Variants in FRYL observed in about 807,000 individuals in gnomAD.
FRYL encodes the protein protein furry homolog-like.
FRYL carries 150 observed loss-of-function variants against 351.2 expected under a neutral mutation model. The observed-to-expected ratio is 0.43, with a 90% confidence interval of 0.37 to 0.49. The LOEUF (loss-of-function observed/expected upper bound fraction) is 0.49. FRYL is among the 20% of genes least tolerant of loss of function. The pLI, the probability that FRYL is intolerant of heterozygous loss-of-function variation, is 0.00. For synonymous variants in FRYL, 1,153 were observed against 1,257.1 expected (o/e 0.92, Z 1.75); for missense variants, 3,036 against 3,619.3 (o/e 0.84, Z 4.13).
intron 33 of FRYL, among the ~76,000 whole-genome samples, chr4:48,558,983 C>T (rs1320905014): frequency 1.3e-5 from 2 of 152,166 alleles, no homozygotes; most frequent in Admixed American, 1.3e-4. Context: ...GAACTTGGCT[C>T]TGGAATTGCA....
Position 48,521,061 on chromosome 4 carries a change from C to A in FRYL, c.7676G>T (p.Ser2559Ile), listed in dbSNP as rs1353842040. The change falls in exon 55 of 64, where the codon AGC (serine) becomes ATC (isoleucine). Residue 2559 changes from serine (S) to isoleucine (I), a missense_variant. Ser to Ile is a moderately radical substitution (Grantham distance 142). This residue lies in a region of FRYL where 1,987 missense variants were observed against 2,311.7 expected (regional missense o/e 0.86). Coordinates refer to ENST00000358350, the MANE Select transcript of FRYL (RefSeq NM_015030.2). Reference sequence around the variant, plus strand: ...ATTTCTCCCCACCTCAGGCAGCCGGCTGTTAGCATTATCTAGAGAAGCCTC... The same window carrying A: ...ATTTCTCCCCACCTCAGGCAGCCGGATGTTAGCATTATCTAGAGAAGCCTC... ...TLEASLDNAN[S>I]RLPEDTTSVL... is the part of the protein sequence containing the mutation. The A allele has an allele frequency of 6.2e-7, 1 of 1,610,776 alleles. No individual in the cohort carries two copies. Among genetic ancestry groups the A allele is most frequent in the Non-Finnish European group, 8.5e-7 (1 of 1,178,334 alleles).
intron 56 of FRYL, among the ~76,000 whole-genome samples, chr4:48,514,642 T>G (rs1001986589): frequency 6.6e-6 from 1 of 152,228 alleles, no homozygotes; most frequent in African/African-American, 2.4e-5. Flanking sequence ...TAAAAACAAT[T>G]TTTTGGAATA....
At chr4:48,579,866 T>C (rs1740486471) in intron 22 of FRYL, among the ~76,000 whole-genome samples, 1 of 152,132 alleles carries the variant, frequency 6.6e-6, no homozygotes, top group Non-Finnish European at 1.5e-5. Context: ...AGAGAGGCTT[T>C]TAAAGGTTCT....
chr4:48,572,818 T>C (rs558630372), intron 26 of FRYL, among the ~76,000 whole-genome samples: 1 of 152,340 alleles, frequency 6.6e-6, no homozygotes, highest in East Asian at 1.9e-4. Flanking sequence ...TTTTTACTGT[T>C]TTACTGGCAA....
chr4:48,694,687 C>T (rs535100068), intron 2 of FRYL, among the ~76,000 whole-genome samples: 1 of 152,268 alleles, frequency 6.6e-6, no homozygotes, highest in South Asian at 2.1e-4. Context: ...TAGTCTCTAA[C>T]GTAATTACAG....
intron 2 of FRYL, among the ~76,000 whole-genome samples, chr4:48,692,485 C>T (rs1331308754): frequency 3.9e-5 from 6 of 151,970 alleles, no homozygotes; most frequent in Non-Finnish European, 8.8e-5. Flanking sequence ...CTCCACCTCC[C>T]AAGTTCAAGT....
At chr4:48,743,681 A>AT (rs1772363288) in intron 1 of FRYL, among the ~76,000 whole-genome samples, 1 of 152,168 alleles carries the variant, frequency 6.6e-6, no homozygotes, top group Non-Finnish European at 1.5e-5. Flanking sequence ...CTGTCCAGAT[A>AT]TTTTTTATAT....
In FRYL at chr4:48,540,410, G is replaced by A; in HGVS notation, c.6238C>T (p.Leu2080Phe). 1 of 1,613,854 alleles carries A rather than the reference G, an allele frequency of 6.2e-7. No homozygotes were observed. The highest frequency in any genetic ancestry group is 1.1e-5 in the South Asian group (1 of 91,070). ...ASTQEMTVHLLSKLISVSKHT... is the reference protein window; with the variant it reads ...ASTQEMTVHLFSKLISVSKHT... ...TTGGAGACAGAAATGAGTTTACTGAGGAGGTGCACGGTCATTTCTTGTGTA... is the reference window on the plus strand; with the variant it reads ...TTGGAGACAGAAATGAGTTTACTGAAGAGGTGCACGGTCATTTCTTGTGTA... Residue 2080 changes from leucine (L) to phenylalanine (F), a missense_variant, in exon 46 of 64, where the codon CTC becomes TTC. Leu to Phe is a conservative substitution (Grantham distance 22). Transcript: ENST00000358350.
Position 48,540,408 on chromosome 4 carries a change from G to C in FRYL, c.6240C>G (p.Leu2080=). ...GTTTGGAGACAGAAATGAGTTTACTGAGGAGGTGCACGGTCATTTCTTGTG... is the reference window on the plus strand; with the variant it reads ...GTTTGGAGACAGAAATGAGTTTACTCAGGAGGTGCACGGTCATTTCTTGTG... ...ASTQEMTVHL[L]SKLISVSKHT... Residue 2080 remains leucine, a synonymous_variant, in exon 46 of 64, where the codon CTC becomes CTG. Coordinates refer to ENST00000358350, the MANE Select transcript of FRYL (RefSeq NM_015030.2). 6.2e-7 allele frequency: 1 copy of C among 1,613,798 alleles called. No homozygotes were observed. The highest frequency in any genetic ancestry group is 8.5e-7 in the Non-Finnish European group (1 of 1,179,730).
intron 37 of FRYL, 63 bp downstream of exon 37, chr4:48,551,431 T>C: frequency 2.3e-6 from 2 of 863,376 alleles, no homozygotes; most frequent in Non-Finnish European, 3.6e-6. Flanking sequence ...AAATATCATT[T>C]ATTCTGATGA....
At chr4:48,548,615 C>T in intron 40 of FRYL, 75 bp downstream of exon 40, 1 of 814,260 alleles carries the variant, frequency 1.2e-6, no homozygotes, top group Non-Finnish European at 2.0e-6. Flanking sequence ...CACATAAAAA[C>T]TGTCATAAAA....
chr4:48,676,129 G>A (rs1470882731), intron 3 of FRYL, among the ~76,000 whole-genome samples: 1 of 152,158 alleles, frequency 6.6e-6, no homozygotes, highest in Non-Finnish European at 1.5e-5. Context: ...CAGGATGTGG[G>A]TGGGGCCAGA....
intron 12 of FRYL, among the ~76,000 whole-genome samples, chr4:48,602,407 G>T (rs1461758019): frequency 6.6e-6 from 1 of 152,094 alleles, no homozygotes; most frequent in East Asian, 1.9e-4. Flanking sequence ...GTTATGACTA[G>T]TCCCTGGGAT....
intron 7 of FRYL, among the ~76,000 whole-genome samples, chr4:48,615,278 C>T (rs1392508996): frequency 6.6e-6 from 1 of 152,156 alleles, no homozygotes; most frequent in African/African-American, 2.4e-5. Context: ...AAGTCACCTC[C>T]CATGTGGACC....
At chr4:48,743,420 G>A (rs1180683403) in intron 1 of FRYL, among the ~76,000 whole-genome samples, 1 of 151,904 alleles carries the variant, frequency 6.6e-6, no homozygotes, top group Non-Finnish European at 1.5e-5. Flanking sequence ...ATTCAAGAAA[G>A]GAAACCTGAT....
intron 2 of FRYL, among the ~76,000 whole-genome samples, chr4:48,700,181 G>A (rs1560877341): frequency 6.6e-6 from 1 of 151,956 alleles, no homozygotes; most frequent in South Asian, 2.1e-4. Context: ...GTTCTAATAC[G>A]GTACAAATGC....
intron 3 of FRYL, among the ~76,000 whole-genome samples, chr4:48,651,916 C>G (rs1757779290): frequency 6.6e-6 from 1 of 152,232 alleles, no homozygotes; most frequent in African/African-American, 2.4e-5. Flanking sequence ...AACACTGAGA[C>G]TAGCAATTTC....
chr4:48,550,578 T>C lies in FRYL; in HGVS notation c.4633+14A>G. The C allele has an allele frequency of 6.8e-7, 1 of 1,467,714 alleles. No individual in the cohort carries two copies. Among genetic ancestry groups the C allele is most frequent in the Non-Finnish European group, 9.5e-7 (1 of 1,047,344 alleles). 90.9% of individuals were successfully genotyped at this position (1,467,714 alleles called of 1,614,324 possible). A position where few individuals can be genotyped will look rare whatever the true frequency, so the allele number is the denominator to read the frequency against. On this transcript the variant is annotated intron_variant, in intron 38 of 63. Coordinates refer to ENST00000358350, the MANE Select transcript of FRYL (RefSeq NM_015030.2). ...ACCCTTATAGTTATATTAAAAACAT[T>C]TGGAATTTATTACTTTTTTCTTCTT...
intron 3 of FRYL, among the ~76,000 whole-genome samples, chr4:48,673,170 T>G (rs1460722789): frequency 6.6e-6 from 1 of 152,192 alleles, no homozygotes; most frequent in East Asian, 1.9e-4. Context: ...TTTGTAAAAG[T>G]CATGTAAAAT....
Sources: allele counts gnomAD v4.1 joint callset (sites outside exome capture counted in the v4.1 genomes callset), GRCh38; gene constraint gnomAD v4.1.1; regional missense constraint gnomAD v4.1.1; transcripts MANE v1.5; gene names NCBI Gene and HGNC (gene_info 2026-07-23, HGNC 2026-07-21).